KIF13A: variants seen among roughly 807,000 people sequenced by gnomAD.
The protein encoded by KIF13A is kinesin-like protein KIF13A.
Under a neutral mutation model 212.2 loss-of-function variants are expected in KIF13A, and 79 were observed. That is an observed-to-expected ratio of 0.37 (90% CI 0.31 to 0.45). KIF13A has a LOEUF of 0.45. KIF13A is among the 20% of genes least tolerant of loss of function. The pLI is 1.00. For synonymous variants in KIF13A, 789 were observed against 808.6 expected (o/e 0.98, Z 0.41); for missense variants, 1,901 against 2,209.0 (o/e 0.86, Z 2.79).
At chr6:17,866,278 A>G (rs560369015) in intron 4 of KIF13A, among the ~76,000 whole-genome samples, 5 of 152,278 alleles carry the variant, frequency 3.3e-5, no homozygotes, top group African/African-American at 1.2e-4. Flanking sequence ...CAAACCAAAT[A>G]TAAGGATCCT....
chr6:17,870,066 G>C (rs146790326), intron 4 of KIF13A, among the ~76,000 whole-genome samples: 2 of 152,194 alleles, frequency 1.3e-5, no homozygotes, highest in African/African-American at 4.8e-5. Flanking sequence ...TAATCTACAC[G>C]TAACGTATTT....
rs1043325103 is a variant in KIF13A at position 17,967,587 on chromosome 6, T to C, written c.146+19467A>G. 1.3e-5 allele frequency among the ~76,000 whole-genome samples: 2 copies of C among 152,164 alleles called. No individual in the cohort carries two copies. Among genetic ancestry groups the C allele is most frequent in the Non-Finnish European group, 2.9e-5 (2 of 68,018 alleles). Reference sequence around the variant, plus strand: ...ACGTGTCAGGAGCAGAGATGCCTGGTTATCCATTTCCATAGTCATGATGCC... The same window carrying C: ...ACGTGTCAGGAGCAGAGATGCCTGGCTATCCATTTCCATAGTCATGATGCC... On this transcript the variant is annotated intron_variant, in intron 2 of 38. Coordinates refer to ENST00000259711, the MANE Select transcript of KIF13A (RefSeq NM_022113.6). The surrounding 1 kb of genome is among the most constrained non-coding windows in gnomAD (Gnocchi z 4.1).
intron 3 of KIF13A, chr6:17,881,523 CCT>C: frequency 7.0e-6 from 3 of 431,112 alleles, no homozygotes; most frequent in South Asian, 1.6e-5. Context: ...ATGGTGAAAC[CCT>C]GTCTCTACTA....
chr6:17,893,942 T>C (rs1354232509), intron 3 of KIF13A, among the ~76,000 whole-genome samples: 2 of 145,992 alleles, frequency 1.4e-5, no homozygotes, highest in Admixed American at 7.0e-5. Flanking sequence ...CGGGTTCAAG[T>C]GATTCTCCTG....
Position 17,951,443 on chromosome 6 carries a change from A to T in KIF13A, c.146+35611T>A. ...ACTGTGACCAGCCTCAATTTAAAAA[A>T]AAAAAAAAAACAGCTTTAAGATATA... On this transcript the variant is annotated intron_variant, in intron 2 of 38. Transcript: ENST00000259711. This position sits in a 1 kb window ranked among gnomAD's most constrained non-coding sequence, Gnocchi z 4.9. 1.8e-6 allele frequency: 1 copy of T among 571,144 alleles called. No homozygotes were observed. The highest frequency in any genetic ancestry group is 3.1e-6 in the Non-Finnish European group (1 of 321,732). The allele number at this position is 571,144 out of a possible 1,614,324, so 35.4% of individuals were successfully genotyped here.
intron 38 of KIF13A, among the ~76,000 whole-genome samples, chr6:17,767,618 A>T (rs1285923980): frequency 2.0e-5 from 3 of 152,236 alleles, no homozygotes; most frequent in Non-Finnish European, 4.4e-5. Context: ...GGCAAACACA[A>T]TTCTCCAAGT....
chr6:17,942,137 TAAAA>T (rs1053047792), intron 2 of KIF13A, among the ~76,000 whole-genome samples: 1 of 151,304 alleles, frequency 6.6e-6, no homozygotes, highest in Non-Finnish European at 1.5e-5. Flanking sequence ...CTCATCTCTA[TAAAA>T]AAACACAAAA....
At chr6:17,827,169 A>T (rs952280123) in intron 14 of KIF13A, among the ~76,000 whole-genome samples, 1 of 152,170 alleles carries the variant, frequency 6.6e-6, no homozygotes, top group Non-Finnish European at 1.5e-5. Flanking sequence ...ACTACGACTC[A>T]CTACAGCCTC....
At chr6:17,983,448 C>T (rs564194835) in intron 2 of KIF13A, among the ~76,000 whole-genome samples, 3 of 151,278 alleles carry the variant, frequency 2.0e-5, no homozygotes, top group Non-Finnish European at 4.4e-5. Flanking sequence ...CACTCCATCC[C>T]TTCACCCACA....
chr6:17,967,751 G>C lies in KIF13A; in HGVS notation c.146+19303C>G, dbSNP rs1779452658. 6.6e-6 allele frequency among the ~76,000 whole-genome samples: 1 copy of C among 152,150 alleles called. No individual in the cohort carries two copies. The highest frequency in any genetic ancestry group is 2.4e-5 in the African/African-American group (1 of 41,434). The stretch of plus-strand genomic sequence containing the variant: ...ACTGAGCCATCTGCCTTCCTGCTCT[G>C]ATTTCTGAACCAAGAAGGCTCAACC... On this transcript the variant is annotated intron_variant, in intron 2 of 38. Transcript: ENST00000259711. This position sits in a 1 kb window ranked among gnomAD's most constrained non-coding sequence, Gnocchi z 4.1.
intron 2 of KIF13A, among the ~76,000 whole-genome samples, chr6:17,923,745 GC>G (rs1775276506): frequency 6.6e-6 from 1 of 152,150 alleles, no homozygotes; most frequent in Admixed American, 6.5e-5. Context: ...AAGCTTTTTA[GC>G]CCTTTCTCAA....
Position 17,884,980 on chromosome 6 carries a change from A to G in KIF13A, c.160-11543T>C, listed in dbSNP as rs76697469. On this transcript the variant is annotated intron_variant, in intron 3 of 38. Transcript: ENST00000259711. ...TTCAAATGTGTTCACATTTCACCAC[A>G]CCATGTTATGAGCACTGAGTCATAC... 7.1e-3 allele frequency among the ~76,000 whole-genome samples: 1,084 copies of G among 152,258 alleles called. 11 individuals carry two copies. The highest frequency in any genetic ancestry group is 0.023 in the African/African-American group (958 of 41,550).
intron 16 of KIF13A, among the ~76,000 whole-genome samples, chr6:17,820,340 C>A (rs1458225264): frequency 1.3e-5 from 2 of 152,220 alleles, no homozygotes; most frequent in Admixed American, 6.5e-5. Context: ...CCACACACAG[C>A]TACGGTGGAG....
At chr6:17,950,850 C>A (rs1581827574) in intron 2 of KIF13A, 7 of 981,564 alleles carry the variant, frequency 7.1e-6, no homozygotes, top group Non-Finnish European at 8.5e-6. Context: ...TCAAAAAATA[C>A]AACACTATTG....
chr6:17,856,136 C>A lies in KIF13A; in HGVS notation c.221-14G>T. ...CCACTTCTTGACCTAAAAAACAAGA[C>A]AAATATTAAAAACTAATAAAAAGAA... On this transcript the variant is annotated splice_polypyrimidine_tract_variant and intron_variant, in intron 4 of 38. Coordinates refer to ENST00000259711, the MANE Select transcript of KIF13A (RefSeq NM_022113.6). The surrounding 1 kb of genome is among the most constrained non-coding windows in gnomAD (Gnocchi z 4.5). 2.6e-6 allele frequency: 4 copies of A among 1,543,346 alleles called. No homozygotes were observed. Among genetic ancestry groups the A allele is most frequent in the Non-Finnish European group, 3.6e-6 (4 of 1,121,708 alleles).
intron 18 of KIF13A, among the ~76,000 whole-genome samples, chr6:17,807,709 C>T (rs1201997042): frequency 6.9e-6 from 1 of 144,680 alleles, no homozygotes; most frequent in Non-Finnish European, 1.6e-5. Flanking sequence ...CCTGTTCTTA[C>T]ACCTCCTCCC....
At position 17,799,916 on chromosome 6, in the gene KIF13A, G is replaced by A; in HGVS notation, c.2616+36C>T. 2 of 1,585,804 alleles carry A rather than the reference G, an allele frequency of 1.3e-6. No homozygotes were observed. The highest frequency in any genetic ancestry group is 1.7e-6 in the Non-Finnish European group (2 of 1,167,868). ...TGTAAAATGGTTTTGCATGAAAAAG[G>A]TCATTTATATGAGCCTCCCATCACT... On this transcript the variant is annotated intron_variant, in intron 21 of 38. Transcript: ENST00000259711. The surrounding 1 kb of genome is among the most constrained non-coding windows in gnomAD (Gnocchi z 4.4).
chr6:17,896,093 C>A (rs574821318), intron 3 of KIF13A, among the ~76,000 whole-genome samples: 117 of 152,196 alleles, frequency 7.7e-4, no homozygotes, highest in African/African-American at 2.7e-3. Context: ...CCCCTGGAAC[C>A]CATCTATAGG....
At position 17,794,619 on chromosome 6, in the gene KIF13A, G is replaced by T; in HGVS notation, c.3028C>A (p.His1010Asn). 6.2e-7 allele frequency: 1 copy of T among 1,613,190 alleles called. No homozygotes were observed. Among genetic ancestry groups the T allele is most frequent in the Non-Finnish European group, 8.5e-7 (1 of 1,179,712 alleles). ...ELGEYAAVEL[H>N]QAKDVNTGGI... ...CCTGTGTTGACATCTTTTGCCTGAT[G>T]AAGTTCCACTGCAGCATACTCTCCT... Residue 1010 changes from histidine (H) to asparagine (N), a missense_variant, in exon 24 of 39, where the codon CAT becomes AAT. Physicochemically the swap from His to Asn is moderately conservative, Grantham distance 68. This residue lies in a region of KIF13A where 168 missense variants were observed against 250.9 expected (regional missense o/e 0.67). Coordinates refer to ENST00000259711, the MANE Select transcript of KIF13A (RefSeq NM_022113.6). The surrounding 1 kb of genome is among the most constrained non-coding windows in gnomAD (Gnocchi z 4.1).
Sources: gnomAD v4.1 joint callset for allele counts (sites outside exome capture counted in the v4.1 genomes callset) on GRCh38, gnomAD v4.1.1 for gene constraint, gnomAD v4.1.1 regional missense constraint, Gnocchi (gnomAD v3.1) non-coding constraint, MANE v1.5 for transcripts, NCBI Gene and HGNC (gene_info 2026-07-23, HGNC 2026-07-21) for gene names.